The following SREBF2 variants were observed in gnomAD, a reference collection of about 807,000 sequenced individuals.
SREBF2 encodes the protein sterol regulatory element binding transcription factor 2, also known as sterol regulatory element-binding protein 2.
A neutral mutation model predicts 113.1 loss-of-function variants in SREBF2; 55 were observed. That is an observed-to-expected ratio of 0.49 (90% CI 0.39 to 0.61). The LOEUF is 0.61. SREBF2 is among the 20% of genes least tolerant of loss of function. SREBF2 has a pLI of 0.00. For synonymous variants in SREBF2, 593 were observed against 605.7 expected, an observed-to-expected ratio of 0.98 and a Z score of 0.31; for missense variants, 1,349 against 1,487.4, an observed-to-expected ratio of 0.91 and a Z score of 1.53.
chr22:41,850,383 G>C (rs1005146631), intron 1 of SREBF2, among the ~76,000 whole-genome samples: 4 of 151,776 alleles, frequency 2.6e-5, no homozygotes, highest in Non-Finnish European at 4.4e-5. Context: ...CCAGGGAGGC[G>C]GAGGCTGCAG....
At chr22:41,849,896 TG>T (rs2148351359) in intron 1 of SREBF2, among the ~76,000 whole-genome samples, 1 of 151,820 alleles carries the variant, frequency 6.6e-6, no homozygotes, top group East Asian at 1.9e-4. Flanking sequence ...CCCAGCACTT[TG>T]GGAGGCGGAG....
At chr22:41,837,978 C>T (rs989743309) in intron 1 of SREBF2, among the ~76,000 whole-genome samples, 4 of 152,006 alleles carry the variant, frequency 2.6e-5, no homozygotes, top group Non-Finnish European at 4.4e-5. Context: ...TCTCTGGGGT[C>T]TTGTACTACT....
chr22:41,886,130 A>G (rs2077297013), intron 11 of SREBF2: 1 of 152,258 alleles, frequency 6.6e-6, no homozygotes, highest in African/African-American at 2.4e-5. Flanking sequence ...CTTGAGCTTG[A>G]CATTGATCTT....
At chr22:41,874,110 G>A (rs1486288246) in intron 5 of SREBF2, 91 bp downstream of exon 5, 6 of 1,332,142 alleles carry the variant, frequency 4.5e-6, no homozygotes, top group Non-Finnish European at 5.4e-6. Flanking sequence ...CAGGCTCAAG[G>A]TAAGTGAATA....
intron 1 of SREBF2, among the ~76,000 whole-genome samples, chr22:41,864,713 T>C (rs1012075816): frequency 2.6e-5 from 4 of 152,034 alleles, no homozygotes; most frequent in Middle Eastern, 3.4e-3. Context: ...CCCAGCACTT[T>C]GGGAGGCCAA....
Position 41,866,980 on chromosome 22 carries a change from A to G in SREBF2, c.238A>G (p.Ser80Gly), listed in dbSNP as rs375061773. ...SSSSSNGRGS[S>G]SGAVDPSVQR... Reference sequence around the variant, plus strand: ...CAGCAGCAGCAATGGCAGGGGCAGCAGCAGCGGAGCTGTGGACCCTTCAGT... The same window carrying G: ...CAGCAGCAGCAATGGCAGGGGCAGCGGCAGCGGAGCTGTGGACCCTTCAGT... Residue 80 changes from serine (S) to glycine (G), a missense_variant, in exon 2 of 19, where the codon AGC (serine) becomes GGC (glycine). Physicochemically the swap from Ser to Gly is moderately conservative, Grantham distance 56 (BLOSUM62 0). Transcript: ENST00000361204. The G allele has an allele frequency of 4.3e-6, 7 of 1,614,120 alleles. No homozygotes were observed. Among genetic ancestry groups the G allele is most frequent in the Non-Finnish European group, 5.1e-6 (6 of 1,180,052 alleles).
intron 11 of SREBF2, among the ~76,000 whole-genome samples, chr22:41,892,171 T>G (rs542457412): frequency 6.6e-6 from 1 of 152,308 alleles, no homozygotes; most frequent in African/African-American, 2.4e-5. Context: ...ACACAGATAC[T>G]TGCCTGTACA....
chr22:41,850,865 C>T (rs1484610478), intron 1 of SREBF2, among the ~76,000 whole-genome samples: 2 of 151,966 alleles, frequency 1.3e-5, no homozygotes, highest in Non-Finnish European at 2.9e-5. Flanking sequence ...CTCAGCCTCC[C>T]GAGTAGCTCG....
At chr22:41,876,444 CTGTT>C (rs1311774231) in intron 7 of SREBF2, among the ~76,000 whole-genome samples, 1 of 152,168 alleles carries the variant, frequency 6.6e-6, no homozygotes, top group African/African-American at 2.4e-5. Flanking sequence ...CAACAACAGG[CTGTT>C]TGACATATAA....
At chr22:41,842,525 G>A (rs1050755378) in intron 1 of SREBF2, among the ~76,000 whole-genome samples, 8 of 152,144 alleles carry the variant, frequency 5.3e-5, no homozygotes, top group Non-Finnish European at 7.3e-5. Flanking sequence ...ACATCTGAAG[G>A]TATTTTCAGT....
intron 1 of SREBF2, among the ~76,000 whole-genome samples, chr22:41,859,283 G>A (rs1249677079): frequency 6.6e-6 from 1 of 152,198 alleles, no homozygotes; most frequent in African/African-American, 2.4e-5. Flanking sequence ...GTTACAGCTT[G>A]GGAGTTATCA....
intron 11 of SREBF2, among the ~76,000 whole-genome samples, chr22:41,888,461 C>T (rs2077320995): frequency 7.2e-6 from 1 of 138,742 alleles, no homozygotes; most frequent in South Asian, 2.1e-4. Flanking sequence ...CGTGGGTCTG[C>T]CTCCAGATCT....
At chr22:41,860,539 A>G (rs996825694) in intron 1 of SREBF2, among the ~76,000 whole-genome samples, 6 of 152,200 alleles carry the variant, frequency 3.9e-5, no homozygotes, top group Non-Finnish European at 8.8e-5. Context: ...CTAGGAATTT[A>G]TCCTAAGAAA....
intron 1 of SREBF2, among the ~76,000 whole-genome samples, chr22:41,843,982 C>T (rs900020949): frequency 6.7e-6 from 1 of 149,704 alleles, no homozygotes; most frequent in African/African-American, 2.5e-5. Context: ...CACCACTGCA[C>T]TTCAGCCTCG....
In SREBF2 at chr22:41,905,683, C is replaced by T; in HGVS notation, c.*23C>T. 1.3e-6 allele frequency: 2 copies of T among 1,552,004 alleles called. No homozygotes were observed. The highest frequency in any genetic ancestry group is 1.7e-6 in the Non-Finnish European group (2 of 1,146,368). On this transcript the variant is annotated 3_prime_UTR_variant, in exon 19 of 19. Transcript: ENST00000361204. The stretch of plus-strand genomic sequence containing the variant: ...TGACCACCAGGCTCAGCCCACCCCT[C>T]CACCTCTCTCTCGATTTCTCTCTCT...
At chr22:41,893,028 C>A in intron 11 of SREBF2, 89 bp from the exon 12 acceptor site, 1 of 1,510,464 alleles carries the variant, frequency 6.6e-7, no homozygotes, top group Non-Finnish European at 9.1e-7. Context: ...CCAAAGCCCA[C>A]CTCCACCATG....
At chr22:41,899,209 G>A in intron 15 of SREBF2, 4 of 1,098,284 alleles carry the variant, frequency 3.6e-6, no homozygotes, top group Non-Finnish European at 4.5e-6. Flanking sequence ...GCCCCTGTGT[G>A]CTAGCATTTT....
At chr22:41,895,043 G>A (rs1602342561) in intron 13 of SREBF2, 106 bp downstream of exon 13, 3 of 852,630 alleles carry the variant, frequency 3.5e-6, no homozygotes, top group Non-Finnish European at 5.9e-6. Context: ...CTGGCATCGG[G>A]TTGGCAGGGC....
At position 41,866,894 on chromosome 22, in the gene SREBF2, G is replaced by A. The variant is rs1390976238; in HGVS notation, c.152G>A (p.Cys51Tyr). The part of the protein sequence containing the change: ...EFPDLFSEQL[C>Y]SSFPGSGGSG... The stretch of plus-strand genomic sequence containing the variant: ...CCTGACTTGTTTTCAGAACAGCTGT[G>A]TAGCTCCTTTCCTGGCAGTGGTGGT... Residue 51 changes from cysteine to tyrosine, a missense_variant, in exon 2 of 19, where the codon TGT (cysteine) becomes TAT (tyrosine). Physicochemically the swap from Cys to Tyr is radical, Grantham distance 194. Transcript: ENST00000361204. 1 of 1,614,124 alleles carries A rather than the reference G, an allele frequency of 6.2e-7. No homozygotes were observed. The highest frequency in any genetic ancestry group is 8.5e-7 in the Non-Finnish European group (1 of 1,180,056).
Sources: allele counts gnomAD v4.1 joint callset (sites outside exome capture counted in the v4.1 genomes callset), GRCh38; gene constraint gnomAD v4.1.1; transcripts MANE v1.5; gene names NCBI Gene and HGNC (gene_info 2026-07-23, HGNC 2026-07-21).